Variants in HSDL2 observed in about 807,000 individuals in gnomAD.
HSDL2 encodes the protein hydroxysteroid dehydrogenase-like protein 2.
HSDL2 carries 27 observed loss-of-function variants against 46.3 expected under a neutral mutation model. The observed-to-expected ratio is 0.58, with a 90% CI of 0.43 to 0.80. The LOEUF is 0.80. HSDL2 is among the 30% of genes least tolerant of loss of function. The probability of loss-of-function intolerance (pLI) is 0.00; values close to 1 mark genes in which losing one functional copy is unlikely to be tolerated. For synonymous variants in HSDL2, 153 were observed against 163.6 expected, an observed-to-expected ratio of 0.94 and a Z score of 0.50; for missense variants, 451 against 502.7, an observed-to-expected ratio of 0.90 and a Z score of 0.98.
chr9:112,382,639 C>T (rs114135024), intron 1 of HSDL2, among the ~76,000 whole-genome samples: 231 of 152,182 alleles, frequency 1.5e-3, no homozygotes, highest in African/African-American at 5.0e-3. Context: ...ACAAGCATTC[C>T]GTACAACAAA....
intron 1 of HSDL2, among the ~76,000 whole-genome samples, chr9:112,399,529 C>A (rs1269541364): frequency 6.6e-6 from 1 of 152,062 alleles, no homozygotes; most frequent in Non-Finnish European, 1.5e-5. Context: ...TTTTTCCCCA[C>A]CCTAGTAAGC....
intron 6 of HSDL2, among the ~76,000 whole-genome samples, chr9:112,433,475 A>G (rs376756792): frequency 1.1e-4 from 16 of 152,308 alleles, no homozygotes; most frequent in African/African-American, 3.8e-4. Context: ...GAAGAATCTT[A>G]GAAGCAGAGG....
chr9:112,454,546 A>AT (rs1832969226), intron 9 of HSDL2, among the ~76,000 whole-genome samples: 2 of 152,108 alleles, frequency 1.3e-5, no homozygotes, highest in South Asian at 4.1e-4. Context: ...TAACTCTGGC[A>AT]TATTTGAGAG....
chr9:112,459,456 T>C lies in HSDL2; in HGVS notation c.1023T>C (p.Asp341=). ...ATATGTTTATCTCTCTAGGTGAAGA[T>C]GGTGGCACGTGGTTTCTTGATCTGA... ...AIYLFELSGE[D]GGTWFLDLKS... is the part of the protein sequence containing the mutation. Residue 341 remains aspartate, a synonymous_variant, in exon 10 of 11, where the codon GAT becomes GAC. Coordinates refer to ENST00000398805, the MANE Select transcript of HSDL2 (RefSeq NM_032303.5). The C allele has an allele frequency of 1.2e-6, 2 of 1,613,978 alleles. No individual in the cohort carries two copies. The highest frequency in any genetic ancestry group is 1.7e-6 in the Non-Finnish European group (2 of 1,179,876).
intron 8 of HSDL2, among the ~76,000 whole-genome samples, chr9:112,446,712 T>C (rs1832767098): frequency 6.6e-6 from 1 of 152,200 alleles, no homozygotes; most frequent in African/African-American, 2.4e-5. Flanking sequence ...CCCCTCCCCA[T>C]CCTTGTCAGC....
At chr9:112,427,975 G>A (rs943914546) in intron 6 of HSDL2, among the ~76,000 whole-genome samples, 1 of 152,192 alleles carries the variant, frequency 6.6e-6, no homozygotes, top group Non-Finnish European at 1.5e-5. Flanking sequence ...TTTATGCAAA[G>A]TATTATTAAA....
chr9:112,397,259 C>T (rs560173354), intron 1 of HSDL2, among the ~76,000 whole-genome samples: 1 of 152,272 alleles, frequency 6.6e-6, no homozygotes, highest in Admixed American at 6.5e-5. Flanking sequence ...TTGTGGGTCC[C>T]TGATCCAATG....
rs113466292 is a variant in HSDL2, at chr9:112,409,053, A to G, written c.395+32A>G. The G allele has an allele frequency of 7.7e-4, 963 of 1,243,000 alleles. 4 individuals carry two copies. The African/African-American group carries it at 0.013, about 17-fold the overall frequency. The allele number at this position is 1,243,000 out of a possible 1,614,324, so 77.0% of individuals were successfully genotyped here. On this transcript the variant is annotated intron_variant, in intron 4 of 10. Transcript: ENST00000398805. ...TTGCAAGAAGAGTTGTTGGGGAGGA[A>G]GTTGCGGTGTTTCTCAGGGAACTTA...
chr9:112,455,357 C>T (rs1832993219), intron 9 of HSDL2, among the ~76,000 whole-genome samples: 1 of 151,956 alleles, frequency 6.6e-6, no homozygotes, highest in South Asian at 2.1e-4. Context: ...TATCTTAGTC[C>T]ATCTTGCCTT....
At chr9:112,464,809 C>A (rs1257100987) in intron 10 of HSDL2, among the ~76,000 whole-genome samples, 1 of 152,156 alleles carries the variant, frequency 6.6e-6, no homozygotes, top group Non-Finnish European at 1.5e-5. Flanking sequence ...CATTAGCGGT[C>A]AACCTCATAT....
intron 1 of HSDL2, among the ~76,000 whole-genome samples, chr9:112,399,530 C>G (rs994593065): frequency 1.3e-5 from 2 of 152,094 alleles, no homozygotes; most frequent in African/African-American, 2.4e-5. Flanking sequence ...TTTTCCCCAC[C>G]CTAGTAAGCC....
intron 5 of HSDL2, among the ~76,000 whole-genome samples, chr9:112,418,399 G>A (rs772288055): frequency 1.9e-4 from 29 of 151,562 alleles, no homozygotes; most frequent in Non-Finnish European, 3.8e-4. Context: ...GCTGGGCAAC[G>A]TGCAAAACCC....
Position 112,380,109 on chromosome 9 carries a change from G to T in HSDL2, c.-55G>T. The T allele has an allele frequency of 1.3e-6, 2 of 1,486,354 alleles. No homozygotes were observed. Among genetic ancestry groups the T allele is most frequent in the Non-Finnish European group, 1.8e-6 (2 of 1,088,430 alleles). 92.1% of individuals were successfully genotyped at this position (1,486,354 alleles called of 1,614,324 possible). ...AATGCGGAGGGACGGTCCAGCTTTA[G>T]CTCTCTGCTCGCCGCCGCCGCTGTC... is the stretch of plus-strand genomic sequence containing the variant. On this transcript the variant is annotated 5_prime_UTR_variant, in exon 1 of 11. Coordinates refer to ENST00000398805, the MANE Select transcript of HSDL2 (RefSeq NM_032303.5).
chr9:112,387,527 G>C (rs1264595549), intron 1 of HSDL2, among the ~76,000 whole-genome samples: 2 of 151,998 alleles, frequency 1.3e-5, no homozygotes, highest in Non-Finnish European at 2.9e-5. Context: ...CCTAGGATTT[G>C]TTTTCTGATG....
chr9:112,406,389 G>A (rs1831730677), intron 3 of HSDL2, among the ~76,000 whole-genome samples: 1 of 151,930 alleles, frequency 6.6e-6, no homozygotes, highest in Non-Finnish European at 1.5e-5. Flanking sequence ...CTTCCTTTAT[G>A]TGGTTAAATT....
At chr9:112,444,581 T>G (rs1200795439) in intron 8 of HSDL2, among the ~76,000 whole-genome samples, 1 of 151,908 alleles carries the variant, frequency 6.6e-6, no homozygotes, top group Non-Finnish European at 1.5e-5. Flanking sequence ...CTACAAAAAG[T>G]ACAAAAATTA....
intron 8 of HSDL2, among the ~76,000 whole-genome samples, chr9:112,449,510 T>C (rs1226399251): frequency 6.6e-6 from 1 of 152,174 alleles, no homozygotes; most frequent in African/African-American, 2.4e-5. Flanking sequence ...CTACAGCTTT[T>C]CTCTTTTCTG....
intron 6 of HSDL2, 136 bp from the exon 7 acceptor site, chr9:112,438,295 G>A: frequency 1.6e-6 from 1 of 641,734 alleles, no homozygotes; most frequent in African/African-American, 1.9e-5. Context: ...AAGCAATCTG[G>A]ACTTTGTTTT....
intron 6 of HSDL2, among the ~76,000 whole-genome samples, chr9:112,435,559 C>A (rs556867856): frequency 6.6e-6 from 1 of 152,182 alleles, no homozygotes; most frequent in African/African-American, 2.4e-5. Context: ...TACTTAACTT[C>A]TCTGTGCTTC....
Sources: gnomAD v4.1 joint callset for allele counts (sites outside exome capture counted in the v4.1 genomes callset) on GRCh38, gnomAD v4.1.1 for gene constraint, MANE v1.5 for transcripts, NCBI Gene and HGNC (gene_info 2026-07-23, HGNC 2026-07-21) for gene names.